The following GTF2E2 variants were observed in gnomAD, a reference collection of about 807,000 sequenced individuals.
GTF2E2 encodes the protein general transcription factor IIE subunit 2.
A neutral mutation model predicts 40.5 loss-of-function variants in GTF2E2; 21 were observed. That is an observed-to-expected ratio of 0.52 (90% CI 0.37 to 0.75). The LOEUF (loss-of-function observed/expected upper bound fraction) is 0.75. Ranked by LOEUF, GTF2E2 falls within the 30% of genes least tolerant of loss-of-function variation. The pLI is 0.00. For missense variants in GTF2E2, 298 were observed against 338.4 expected (o/e 0.88, Z 0.94); for synonymous variants, 117 against 121.6 (o/e 0.96, Z 0.25).
chr8:30,613,456 T>A (rs560472936), intron 4 of GTF2E2, among the ~76,000 whole-genome samples: 17 of 152,184 alleles, frequency 1.1e-4, no homozygotes, highest in African/African-American at 3.9e-4. Context: ...ACCCTATATA[T>A]TTTCTTCTGC....
intron 3 of GTF2E2, among the ~76,000 whole-genome samples, chr8:30,617,309 A>C (rs1800950483): frequency 6.6e-6 from 1 of 152,198 alleles, no homozygotes; most frequent in Non-Finnish European, 1.5e-5. Flanking sequence ...TAATTCATTC[A>C]CTTATTCATT....
chr8:30,613,648 C>CAAT (rs1800806889), intron 4 of GTF2E2, among the ~76,000 whole-genome samples: 1 of 152,148 alleles, frequency 6.6e-6, no homozygotes, highest in Non-Finnish European at 1.5e-5. Context: ...ATCACTAATA[C>CAAT]AATGAACTAC....
intron 3 of GTF2E2, among the ~76,000 whole-genome samples, chr8:30,631,896 C>A (rs1432836227): frequency 6.6e-6 from 1 of 151,984 alleles, no homozygotes; most frequent in African/African-American, 2.4e-5. Flanking sequence ...TCCCCTGAGC[C>A]CAGGAGTTCA....
rs539065688 is a variant in GTF2E2, at chr8:30,636,979, A to G, written c.167-1856T>C. The G allele has an allele frequency of 4.0e-4, 174 of 439,500 alleles. 1 individual carries two copies. The highest frequency in any genetic ancestry group is 3.4e-3 in the Middle Eastern group (10 of 2,932). 27.2% of individuals were successfully genotyped at this position (439,500 alleles called of 1,614,324 possible). ...AGCACATCTGTAATAAAAGTAACCA[A>G]TATTTATTATCTGCTAAACACTATG... On this transcript the variant is annotated intron_variant, in intron 2 of 7. Transcript: ENST00000355904.
At chr8:30,602,788 G>A (rs1355594486) in intron 6 of GTF2E2, among the ~76,000 whole-genome samples, 1 of 149,486 alleles carries the variant, frequency 6.7e-6, no homozygotes, top group African/African-American at 2.5e-5. Context: ...CACTGAATCT[G>A]GTGAAACAAA....
chr8:30,623,575 C>T (rs1249414878), intron 3 of GTF2E2, among the ~76,000 whole-genome samples: 1 of 151,976 alleles, frequency 6.6e-6, no homozygotes, highest in African/African-American at 2.4e-5. Context: ...GTTCTAGATC[C>T]CTGAGGAATC....
chr8:30,645,230 T>C (rs1443494500), intron 2 of GTF2E2: 1 of 1,362,340 alleles, frequency 7.3e-7, no homozygotes, highest in Non-Finnish European at 9.7e-7. Context: ...GAGATTTGAA[T>C]TAACAGATCT....
At chr8:30,630,289 A>G (rs1376275385) in intron 3 of GTF2E2, among the ~76,000 whole-genome samples, 1 of 152,178 alleles carries the variant, frequency 6.6e-6, no homozygotes, top group African/African-American at 2.4e-5. Flanking sequence ...TCTCAGTATT[A>G]TGACTCTGAA....
chr8:30,614,795 C>G, intron 3 of GTF2E2, 80 bp from the exon 4 acceptor site: 1 of 755,654 alleles, frequency 1.3e-6, no homozygotes, highest in Non-Finnish European at 2.3e-6. Context: ...GTAAACAAAC[C>G]TTCAGGAATG....
chr8:30,616,297 G>A (rs1025437088), intron 3 of GTF2E2, among the ~76,000 whole-genome samples: 5 of 152,034 alleles, frequency 3.3e-5, no homozygotes, highest in African/African-American at 7.3e-5. Context: ...TTAGCCAGGC[G>A]TGGTAGCGGG....
At chr8:30,616,538 G>A (rs1420527375) in intron 3 of GTF2E2, among the ~76,000 whole-genome samples, 3 of 152,090 alleles carry the variant, frequency 2.0e-5, no homozygotes, top group Non-Finnish European at 2.9e-5. Context: ...GAATTTTTAG[G>A]GCAGTGAAAA....
intron 6 of GTF2E2, among the ~76,000 whole-genome samples, chr8:30,604,064 G>A (rs1260660171): frequency 6.6e-6 from 1 of 152,100 alleles, no homozygotes; most frequent in African/African-American, 2.4e-5. Flanking sequence ...ACATTCATGG[G>A]TATATGCCTT....
intron 6 of GTF2E2, among the ~76,000 whole-genome samples, chr8:30,598,511 AC>A: frequency 6.6e-6 from 1 of 152,304 alleles, no homozygotes; most frequent in African/African-American, 2.4e-5. Flanking sequence ...TCAGAGAAAA[AC>A]CCTGAATAAA....
intron 6 of GTF2E2, among the ~76,000 whole-genome samples, chr8:30,606,768 T>A (rs1829325733): frequency 6.6e-6 from 1 of 152,192 alleles, no homozygotes; most frequent in African/African-American, 2.4e-5. Context: ...TTTGTAAAAG[T>A]CTAAAGATAA....
intron 3 of GTF2E2, among the ~76,000 whole-genome samples, chr8:30,627,152 T>C (rs188834169): frequency 3.9e-5 from 6 of 152,266 alleles, no homozygotes; most frequent in East Asian, 1.9e-4. Context: ...AGTTGACAAA[T>C]TGATGACATG....
chr8:30,601,309 A>G (rs1251502016), intron 6 of GTF2E2, among the ~76,000 whole-genome samples: 1 of 152,260 alleles, frequency 6.6e-6, no homozygotes, highest in East Asian at 1.9e-4. Context: ...GCGGAATGAC[A>G]GGAGCCAGGA....
chr8:30,598,832 T>C (rs1022611745), intron 6 of GTF2E2, among the ~76,000 whole-genome samples: 2 of 152,216 alleles, frequency 1.3e-5, no homozygotes, highest in African/African-American at 4.8e-5. Flanking sequence ...TTTAATTTTA[T>C]AAAATGCGTG....
rs750341340 is a variant in GTF2E2 at position 30,653,541 on chromosome 8, G to C, written c.58C>G (p.Pro20Ala). The change falls in exon 2 of 8, where the codon CCT becomes GCT. Residue 20 changes from proline (P) to alanine (A), a missense_variant. Transcript: ENST00000355904. The part of the protein sequence containing the change: ...ELFKKRALST[P>A]VVEKRSASSE... ...GATGCTGAACGTTTTTCTACTACAG[G>C]AGTAGAAAGAGCTCGTTTTTTGAAC... is the stretch of plus-strand genomic sequence containing the variant. The C allele has an allele frequency of 1.2e-5, 19 of 1,609,696 alleles. No individual in the cohort carries two copies. The highest frequency in any genetic ancestry group is 1.4e-5 in the Non-Finnish European group (17 of 1,176,066).
At chr8:30,599,820 T>C (rs1426178306) in intron 6 of GTF2E2, among the ~76,000 whole-genome samples, 1 of 151,808 alleles carries the variant, frequency 6.6e-6, no homozygotes, top group African/African-American at 2.4e-5. Flanking sequence ...CCATCTCTAC[T>C]AAAAATACAA....
Sources: allele counts gnomAD v4.1 joint callset (sites outside exome capture counted in the v4.1 genomes callset), GRCh38; gene constraint gnomAD v4.1.1; transcripts MANE v1.5; gene names NCBI Gene and HGNC (gene_info 2026-07-23, HGNC 2026-07-21).